The following BTRC variants were observed in gnomAD, a reference collection of about 807,000 sequenced individuals.
BTRC encodes beta-transducin repeat containing E3 ubiquitin protein ligase.
BTRC carries 42 observed loss-of-function variants against 85.5 expected under a neutral mutation model. That is an observed-to-expected ratio of 0.49 (90% CI 0.38 to 0.64). BTRC has a LOEUF of 0.64. Among genes scored for constraint, BTRC ranks in the 30% least tolerant of loss-of-function variants. The probability of loss-of-function intolerance (pLI) is 0.00; values close to 1 mark genes in which losing one functional copy is unlikely to be tolerated. For missense variants in BTRC, 594 were observed against 743.5 expected, an observed-to-expected ratio of 0.80 and a Z score of 2.34; for synonymous variants, 255 against 263.3, an observed-to-expected ratio of 0.97 and a Z score of 0.30.
At position 101,508,938 on chromosome 10, in the gene BTRC, T is replaced by C. The variant is rs369141587; in HGVS notation, c.325-12701T>C. On this transcript the variant is annotated intron_variant, in intron 4 of 14. Coordinates refer to ENST00000370187, the MANE Select transcript of BTRC (RefSeq NM_033637.4). ...TAAAAAAAAAAAAAAAAAAAAAAAC[T>C]AAAAGTAGAATGTTAAAAGTTATTA... Among the ~76,000 whole-genome samples, 3 of 106,484 alleles carry C rather than the reference T, an allele frequency of 2.8e-5. No homozygotes were observed. In the Admixed American group the frequency reaches 2.9e-4, roughly 10 times the overall value. 69.9% of individuals were successfully genotyped at this position (106,484 alleles called of 152,430 possible).
intron 2 of BTRC, among the ~76,000 whole-genome samples, chr10:101,442,344 G>A (rs1372787792): frequency 6.9e-6 from 1 of 144,390 alleles, no homozygotes; most frequent in African/African-American, 2.7e-5. Context: ...CAACCTTAAC[G>A]GGAGAGACTA....
chr10:101,357,002 G>A (rs191937393), intron 1 of BTRC, among the ~76,000 whole-genome samples: 3 of 151,660 alleles, frequency 2.0e-5, no homozygotes, highest in Non-Finnish European at 4.4e-5. Flanking sequence ...GGCAGCGTGC[G>A]CCTGTAGTCC....
chr10:101,440,984 G>T (rs1034356898), intron 2 of BTRC, among the ~76,000 whole-genome samples: 8 of 152,146 alleles, frequency 5.3e-5, no homozygotes, highest in African/African-American at 1.9e-4. Flanking sequence ...ACTAGTTATT[G>T]TTGTTTTTAA....
chr10:101,526,423 C>CA (rs1269584371), intron 6 of BTRC, among the ~76,000 whole-genome samples: 1 of 152,318 alleles, frequency 6.6e-6, no homozygotes, highest in South Asian at 2.1e-4. Flanking sequence ...TACTGCTTTG[C>CA]AAAAAATAAT....
intron 4 of BTRC, among the ~76,000 whole-genome samples, chr10:101,499,672 G>T (rs886258000): frequency 6.6e-6 from 1 of 150,956 alleles, no homozygotes; most frequent in East Asian, 1.9e-4. Context: ...CATTCTCACT[G>T]CTGCTCTCCT....
intron 4 of BTRC, among the ~76,000 whole-genome samples, chr10:101,511,659 G>A (rs1025489039): frequency 5.3e-5 from 8 of 152,046 alleles, no homozygotes; most frequent in African/African-American, 7.2e-5. Context: ...GGGTTCAAGC[G>A]AGGGTTCACA....
intron 13 of BTRC, among the ~76,000 whole-genome samples, chr10:101,547,450 C>T (rs138509858): frequency 9.8e-5 from 14 of 143,252 alleles, no homozygotes; most frequent in African/African-American, 3.3e-4. Context: ...AAGCTATTCT[C>T]CTGTCACAGC....
At chr10:101,425,878 G>A (rs367842171) in intron 1 of BTRC, among the ~76,000 whole-genome samples, 1 of 152,044 alleles carries the variant, frequency 6.6e-6, no homozygotes, top group Non-Finnish European at 1.5e-5. Context: ...AATATAATTT[G>A]CAAGGAAAAA....
At chr10:101,490,644 A>G (rs1012244542) in intron 4 of BTRC, among the ~76,000 whole-genome samples, 9 of 152,142 alleles carry the variant, frequency 5.9e-5, no homozygotes, top group Admixed American at 5.2e-4. Context: ...TTTCATTTCT[A>G]TAGCACTTTG....
At chr10:101,507,918 T>G (rs1266446045) in intron 4 of BTRC, among the ~76,000 whole-genome samples, 2 of 152,108 alleles carry the variant, frequency 1.3e-5, no homozygotes, top group Non-Finnish European at 2.9e-5. Flanking sequence ...TTACCAGCCT[T>G]GGAGGTGTGT....
intron 2 of BTRC, among the ~76,000 whole-genome samples, chr10:101,459,487 A>G (rs1418770086): frequency 1.3e-5 from 2 of 152,186 alleles, no homozygotes; most frequent in Non-Finnish European, 2.9e-5. Flanking sequence ...TAACAACATT[A>G]TAAGTTGGAT....
chr10:101,411,044 A>G lies in BTRC; in HGVS notation c.49-19301A>G, dbSNP rs188194745. ...ACAGTGTCACTCTGTCGCCCAGGCT[A>G]AAGTGCACTGGGGCAATCTCAGCTC... is the stretch of plus-strand genomic sequence containing the variant. On this transcript the variant is annotated intron_variant, in intron 1 of 14. Coordinates refer to ENST00000370187, the MANE Select transcript of BTRC (RefSeq NM_033637.4). Among the ~76,000 whole-genome samples the G allele has an allele frequency of 3.2e-3, 457 of 143,386 alleles. 3 individuals carry two copies. Among genetic ancestry groups the G allele is most frequent in the African/African-American group, 0.011 (442 of 39,172 alleles). 94.1% of individuals were successfully genotyped at this position (143,386 alleles called of 152,430 possible).
chr10:101,546,452 A>G (rs895396484), intron 13 of BTRC, among the ~76,000 whole-genome samples: 1 of 152,178 alleles, frequency 6.6e-6, no homozygotes, highest in Non-Finnish European at 1.5e-5. Flanking sequence ...TAGTAGGTTT[A>G]TATATTTATG....
chr10:101,448,280 T>G (rs1033577369), intron 2 of BTRC, among the ~76,000 whole-genome samples: 1 of 152,076 alleles, frequency 6.6e-6, no homozygotes, highest in South Asian at 2.1e-4. Context: ...TTTTAAAAAT[T>G]TGTTACTTAC....
chr10:101,455,100 C>G (rs1213357907), intron 2 of BTRC, among the ~76,000 whole-genome samples: 1 of 150,096 alleles, frequency 6.7e-6, no homozygotes, highest in African/African-American at 2.5e-5. Flanking sequence ...CTCACTCTGT[C>G]GCCCAGGCTA....
At chr10:101,518,778 G>A (rs982683303) in intron 4 of BTRC, among the ~76,000 whole-genome samples, 1 of 152,070 alleles carries the variant, frequency 6.6e-6, no homozygotes, top group East Asian at 1.9e-4. Flanking sequence ...ATTCTTCCTC[G>A]CTGTCTAGTC....
At chr10:101,499,617 C>A (rs1002780990) in intron 4 of BTRC, among the ~76,000 whole-genome samples, 1 of 151,618 alleles carries the variant, frequency 6.6e-6, no homozygotes, top group South Asian at 2.1e-4. Flanking sequence ...TAAGAATATA[C>A]CCTCCAAAAT....
intron 1 of BTRC, among the ~76,000 whole-genome samples, chr10:101,362,438 C>T (rs939766097): frequency 6.6e-6 from 1 of 151,748 alleles, no homozygotes; most frequent in African/African-American, 2.4e-5. Flanking sequence ...TCTTGTTGCC[C>T]AGGTTGGGGT....
chr10:101,470,326 TTTC>T (rs920526518), intron 3 of BTRC, among the ~76,000 whole-genome samples: 2 of 141,406 alleles, frequency 1.4e-5, no homozygotes, highest in African/African-American at 5.4e-5. Context: ...CCAATTTTTC[TTTC>T]TTTTTTTTTT....
Sources: gnomAD v4.1 joint callset for allele counts (sites outside exome capture counted in the v4.1 genomes callset) on GRCh38, gnomAD v4.1.1 for gene constraint, MANE v1.5 for transcripts, NCBI Gene and HGNC (gene_info 2026-07-23, HGNC 2026-07-21) for gene names.